LYPLAL1: variants seen among roughly 807,000 people sequenced by gnomAD.
LYPLAL1 encodes lysophospholipase-like protein 1.
LYPLAL1 carries 23 observed loss-of-function variants against 19.7 expected under a neutral mutation model. The observed-to-expected ratio is 1.17, with a 90% CI of 0.84 to 1.65. The LOEUF is 1.65. Among genes scored for constraint, LYPLAL1 ranks in the 40% most tolerant of loss-of-function variants. The pLI, the probability that LYPLAL1 is intolerant of heterozygous loss-of-function variation, is 0.00. For missense variants in LYPLAL1, 355 were observed against 279.4 expected (o/e 1.27, Z -1.93); for synonymous variants, 119 against 96.3 (o/e 1.24, Z -1.38).
the LYPLAL1 span, among the ~76,000 whole-genome samples, chr1:219,252,772 T>C: frequency 2.6e-5 from 4 of 152,222 alleles, no homozygotes; most frequent in African/African-American, 9.6e-5. Context: ...TGCCAGGTTT[T>C]GGTATCAAGA....
chr1:219,356,985 C>G, the LYPLAL1 span, among the ~76,000 whole-genome samples: 1 of 152,124 alleles, frequency 6.6e-6, no homozygotes, highest in Non-Finnish European at 1.5e-5. Context: ...ATGTCATCAG[C>G]AAAGGTCTTT....
downstream of LYPLAL1, among the ~76,000 whole-genome samples, chr1:219,215,979 T>C (rs1659277488): frequency 6.6e-6 from 1 of 152,126 alleles, no homozygotes; most frequent in Non-Finnish European, 1.5e-5. Flanking sequence ...ACATTTTCCT[T>C]TTCTATTGCT....
chr1:219,174,379 C>T (rs893525476), intron 1 of LYPLAL1: 26 of 839,900 alleles, frequency 3.1e-5, no homozygotes, highest in Non-Finnish European at 3.7e-5. Flanking sequence ...GTCGTAATTG[C>T]CCATTGCTTT....
At chr1:219,299,587 C>T in the LYPLAL1 span, among the ~76,000 whole-genome samples, 1 of 152,010 alleles carries the variant, frequency 6.6e-6, no homozygotes, top group Non-Finnish European at 1.5e-5. Context: ...GTGATTTGTC[C>T]AAGGACTTGC....
the LYPLAL1 span, among the ~76,000 whole-genome samples, chr1:219,423,013 C>T: frequency 6.6e-6 from 1 of 152,118 alleles, no homozygotes. Context: ...AATTGTTCAT[C>T]ATTCACGAAG....
At chr1:219,379,463 C>T in the LYPLAL1 span, among the ~76,000 whole-genome samples, 2 of 152,160 alleles carry the variant, frequency 1.3e-5, no homozygotes, top group Non-Finnish European at 2.9e-5. Context: ...GCAGTTTTTG[C>T]TGCAGTTAGC....
the LYPLAL1 span, among the ~76,000 whole-genome samples, chr1:219,425,722 T>G: frequency 1.3e-5 from 2 of 152,318 alleles, no homozygotes; most frequent in Non-Finnish European, 2.9e-5. Context: ...AATTTGTACT[T>G]TTAGTGATCA....
the LYPLAL1 span, among the ~76,000 whole-genome samples, chr1:219,348,588 C>T: frequency 6.6e-6 from 1 of 152,034 alleles, no homozygotes; most frequent in African/African-American, 2.4e-5. Flanking sequence ...CTGATATACT[C>T]GACTAATTTG....
At chr1:219,268,180 CTAAG>C in the LYPLAL1 span, among the ~76,000 whole-genome samples, 1 of 151,332 alleles carries the variant, frequency 6.6e-6, no homozygotes, top group African/African-American at 2.4e-5. Flanking sequence ...AGAGGAAAAC[CTAAG>C]TAAGTACATT....
chr1:219,276,279 T>C, the LYPLAL1 span, among the ~76,000 whole-genome samples: 3 of 152,054 alleles, frequency 2.0e-5, no homozygotes, highest in Non-Finnish European at 4.4e-5. Context: ...CTTCAGGAAA[T>C]GAAGGCCTAA....
intron 1 of LYPLAL1, among the ~76,000 whole-genome samples, chr1:219,175,958 A>G (rs1054908530): frequency 6.6e-6 from 1 of 152,210 alleles, no homozygotes; most frequent in African/African-American, 2.4e-5. Context: ...CTAGCTTTTT[A>G]AAAAGTGGAC....
At chr1:219,252,094 T>C in the LYPLAL1 span, among the ~76,000 whole-genome samples, 1 of 152,078 alleles carries the variant, frequency 6.6e-6, no homozygotes, top group Non-Finnish European at 1.5e-5. Context: ...TTGGCTGTTG[T>C]TGGTTTATAG....
At chr1:219,422,000 T>A in the LYPLAL1 span, among the ~76,000 whole-genome samples, 3 of 152,180 alleles carry the variant, frequency 2.0e-5, no homozygotes. Flanking sequence ...TATAACACTG[T>A]CCTTCCAAAA....
the LYPLAL1 span, among the ~76,000 whole-genome samples, chr1:219,398,619 G>A: frequency 6.6e-6 from 1 of 152,170 alleles, no homozygotes; most frequent in African/African-American, 2.4e-5. Flanking sequence ...TTGGAGGAAT[G>A]AAGGCACTTT....
At chr1:219,372,794 C>T in the LYPLAL1 span, among the ~76,000 whole-genome samples, 1 of 151,970 alleles carries the variant, frequency 6.6e-6, no homozygotes, top group African/African-American at 2.4e-5. Context: ...ATCCCAGCTA[C>T]CCGGGAGGCT....
the LYPLAL1 span, among the ~76,000 whole-genome samples, chr1:219,430,341 A>T: frequency 6.6e-6 from 1 of 151,066 alleles, no homozygotes; most frequent in Non-Finnish European, 1.5e-5. Flanking sequence ...TCCAGATTCA[A>T]TTCTGTGTTT....
At chr1:219,395,052 CTT>C in the LYPLAL1 span, among the ~76,000 whole-genome samples, 1 of 152,192 alleles carries the variant, frequency 6.6e-6, no homozygotes, top group African/African-American at 2.4e-5. Flanking sequence ...GATTTAATGT[CTT>C]TGCTACTGTG....
the LYPLAL1 span, among the ~76,000 whole-genome samples, chr1:219,357,719 A>G: frequency 6.6e-6 from 1 of 152,160 alleles, no homozygotes; most frequent in South Asian, 2.1e-4. Context: ...TAATTTGAAA[A>G]CTTGTGCCTA....
At chr1:219,193,435 T>G in intron 3 of LYPLAL1, 184 bp downstream of exon 3, 1 of 355,762 alleles carries the variant, frequency 2.8e-6, no homozygotes, top group Non-Finnish European at 4.9e-6. Context: ...CGCATGAAAC[T>G]TTAATTGATT....
Sources: gnomAD v4.1 joint callset for allele counts (sites outside exome capture counted in the v4.1 genomes callset) on GRCh38, gnomAD v4.1.1 for gene constraint, MANE v1.5 for transcripts, NCBI Gene and HGNC (gene_info 2026-07-23, HGNC 2026-07-21) for gene names.